Variants in STAU2 observed in about 807,000 individuals in gnomAD.
STAU2 encodes double-stranded RNA-binding protein Staufen homolog 2.
A neutral mutation model predicts 65.9 loss-of-function variants in STAU2; 20 were observed. The observed-to-expected ratio is 0.30, with a 90% CI of 0.21 to 0.44. The LOEUF (loss-of-function observed/expected upper bound fraction) is 0.44, where lower values mean the gene tolerates loss of function less well. STAU2 is among the 20% of genes least tolerant of loss of function. STAU2 has a pLI of 1.00. For missense variants in STAU2, 558 were observed against 683.9 expected (o/e 0.82, Z 2.05); for synonymous variants, 232 against 233.9 (o/e 0.99, Z 0.07).
chr8:73,442,436 C>G (rs1818229881), intron 13 of STAU2, among the ~76,000 whole-genome samples: 1 of 151,882 alleles, frequency 6.6e-6, no homozygotes, highest in Non-Finnish European at 1.5e-5. Flanking sequence ...AAGCTAGTAT[C>G]CTGATTTCTG....
intron 13 of STAU2, among the ~76,000 whole-genome samples, chr8:73,495,728 T>C (rs1274853913): frequency 6.7e-6 from 1 of 149,036 alleles, no homozygotes; most frequent in Non-Finnish European, 1.5e-5. Flanking sequence ...CTAACAAAAA[T>C]GTGACTATAA....
chr8:73,609,781 T>C (rs555258484), intron 9 of STAU2, among the ~76,000 whole-genome samples: 5 of 152,334 alleles, frequency 3.3e-5, no homozygotes, highest in African/African-American at 1.2e-4. Flanking sequence ...GCTCTGAGTC[T>C]AGCACTAGAA....
At chr8:73,453,853 G>A (rs948972470) in intron 13 of STAU2, among the ~76,000 whole-genome samples, 4 of 151,740 alleles carry the variant, frequency 2.6e-5, no homozygotes, top group African/African-American at 4.8e-5. Context: ...GCAAATTCCC[G>A]GGTGTGGGTC....
intron 13 of STAU2, among the ~76,000 whole-genome samples, chr8:73,535,070 T>C (rs927333399): frequency 6.6e-6 from 1 of 152,232 alleles, no homozygotes; most frequent in Non-Finnish European, 1.5e-5. Context: ...AAAAATTGTC[T>C]AACAAATGAA....
chr8:73,549,148 A>T (rs1027886188), intron 13 of STAU2, among the ~76,000 whole-genome samples: 1 of 152,174 alleles, frequency 6.6e-6, no homozygotes, highest in Non-Finnish European at 1.5e-5. Context: ...CTATGGTAGG[A>T]CTACAACTTT....
intron 4 of STAU2, among the ~76,000 whole-genome samples, chr8:73,702,431 C>A (rs1820178727): frequency 6.6e-6 from 1 of 151,976 alleles, no homozygotes; most frequent in Non-Finnish European, 1.5e-5. Context: ...AATGTTTGTT[C>A]TTTTTCTTCA....
At chr8:73,441,601 G>A (rs1468342066) in intron 13 of STAU2, 2 of 152,224 alleles carry the variant, frequency 1.3e-5, no homozygotes, top group African/African-American at 4.8e-5. Context: ...TTGGCTGAAT[G>A]ACTGAAAGAA....
At chr8:73,641,591 G>C (rs1260997370) in intron 6 of STAU2, among the ~76,000 whole-genome samples, 1 of 152,086 alleles carries the variant, frequency 6.6e-6, no homozygotes, top group East Asian at 1.9e-4. Flanking sequence ...AGGATCTATG[G>C]CCAATTGAGT....
chr8:73,687,409 A>ATAT (rs2130514219), intron 5 of STAU2, among the ~76,000 whole-genome samples: 1 of 116,078 alleles, frequency 8.6e-6, no homozygotes, highest in South Asian at 2.6e-4. Flanking sequence ...ATTTATATTT[A>ATAT]AATTAATTTA....
chr8:73,743,601 G>A (rs1179527641), intron 1 of STAU2, among the ~76,000 whole-genome samples: 1 of 150,898 alleles, frequency 6.6e-6, no homozygotes, highest in Non-Finnish European at 1.5e-5. Flanking sequence ...AGCCTCCTGA[G>A]TAGCTGCGAT....
At chr8:73,741,418 T>C (rs1806869286) in intron 1 of STAU2, among the ~76,000 whole-genome samples, 1 of 152,210 alleles carries the variant, frequency 6.6e-6, no homozygotes, top group African/African-American at 2.4e-5. Flanking sequence ...TCTCTATGTA[T>C]TTCTTCAATA....
intron 13 of STAU2, among the ~76,000 whole-genome samples, chr8:73,423,010 A>C (rs1816501623): frequency 6.6e-6 from 1 of 152,178 alleles, no homozygotes; most frequent in Non-Finnish European, 1.5e-5. Flanking sequence ...GACATTGCAT[A>C]ATTTCTCACG....
intron 6 of STAU2, among the ~76,000 whole-genome samples, chr8:73,617,799 C>A (rs1050112318): frequency 6.6e-6 from 1 of 152,066 alleles, no homozygotes; most frequent in Non-Finnish European, 1.5e-5. Flanking sequence ...CTGGGTCAGG[C>A]AAGACTGTTC....
chr8:73,602,982 G>A (rs779169395), intron 10 of STAU2, among the ~76,000 whole-genome samples: 78 of 152,074 alleles, frequency 5.1e-4, no homozygotes, highest in Non-Finnish European at 8.2e-4. Flanking sequence ...AATCAAGTGT[G>A]GCAAAAATCT....
At chr8:73,683,289 G>A (rs929773185) in intron 5 of STAU2, among the ~76,000 whole-genome samples, 1 of 152,116 alleles carries the variant, frequency 6.6e-6, no homozygotes, top group East Asian at 1.9e-4. Context: ...TTTCATACCA[G>A]GGATGCAGGG....
chr8:73,744,879 T>A (rs1222908175), intron 1 of STAU2, among the ~76,000 whole-genome samples: 3 of 152,262 alleles, frequency 2.0e-5, no homozygotes, highest in Non-Finnish European at 2.9e-5. Flanking sequence ...TTCTTGCCAT[T>A]TGTCTGTAAG....
chr8:73,633,799 G>T (rs1318182954), intron 6 of STAU2, among the ~76,000 whole-genome samples: 1 of 152,082 alleles, frequency 6.6e-6, no homozygotes, highest in Non-Finnish European at 1.5e-5. Context: ...TGGACAACAT[G>T]GTGAAACCCC....
chr8:73,686,377 C>T (rs1053269067), intron 5 of STAU2, among the ~76,000 whole-genome samples: 2 of 151,930 alleles, frequency 1.3e-5, no homozygotes, highest in Non-Finnish European at 1.5e-5. Flanking sequence ...AGTGAAACCC[C>T]GTCTCTACTA....
intron 6 of STAU2, among the ~76,000 whole-genome samples, chr8:73,645,958 T>A (rs944137011): frequency 6.6e-6 from 1 of 151,938 alleles, no homozygotes; most frequent in Non-Finnish European, 1.5e-5. Context: ...CCACCCAACC[T>A]CCAACATTGG....
Sources: allele counts gnomAD v4.1 joint callset (sites outside exome capture counted in the v4.1 genomes callset), GRCh38; gene constraint gnomAD v4.1.1; transcripts MANE v1.5; gene names NCBI Gene and HGNC (gene_info 2026-07-23, HGNC 2026-07-21).